Variants in C19orf38 observed in about 807,000 individuals in gnomAD.
C19orf38 encodes chromosome 19 open reading frame 38.
Under a neutral mutation model 26.6 loss-of-function variants are expected in C19orf38, and 14 were observed. The ratio of observed to expected loss-of-function variants is 0.53; its 90% CI spans 0.35 to 0.82. The LOEUF (loss-of-function observed/expected upper bound fraction) is 0.82. C19orf38 is among the 40% of genes least tolerant of loss of function. The pLI is 0.01. For missense variants in C19orf38, 261 were observed against 299.5 expected, an observed-to-expected ratio of 0.87 and a Z score of 0.95; for synonymous variants, 132 against 128.5, an observed-to-expected ratio of 1.03 and a Z score of -0.18.
At chr19:10,850,141 C>T in intron 1 of C19orf38, 118 bp from the exon 2 acceptor site, 1 of 977,618 alleles carries the variant, frequency 1.0e-6, no homozygotes, top group Non-Finnish European at 1.5e-6. Context: ...GGTCACTAGC[C>T]TCCTGACTCA....
At chr19:10,852,674 C>G in intron 2 of C19orf38, among the ~76,000 whole-genome samples, 1 of 152,098 alleles carries the variant, frequency 6.6e-6, no homozygotes, top group East Asian at 1.9e-4. Flanking sequence ...GTCTGAGGAG[C>G]CCAGTATGGC....
intron 1 of C19orf38, among the ~76,000 whole-genome samples, chr19:10,839,356 T>C (rs2146235349): frequency 6.6e-6 from 1 of 152,342 alleles, no homozygotes; most frequent in Admixed American, 6.5e-5. Flanking sequence ...TCCTTATCTA[T>C]GTTTGCAGCT....
chr19:10,859,310 GTA>G (rs1457887311), intron 4 of C19orf38, among the ~76,000 whole-genome samples: 40 of 131,550 alleles, frequency 3.0e-4, no homozygotes, highest in Admixed American at 4.8e-4. Flanking sequence ...GTGTGTGTAT[GTA>G]TGTGTGTGTG....
chr19:10,844,099 G>A (rs1345539974), upstream of C19orf38, among the ~76,000 whole-genome samples: 2 of 151,026 alleles, frequency 1.3e-5, no homozygotes, highest in Non-Finnish European at 2.9e-5. Flanking sequence ...GGGCGACAAA[G>A]TGAGACCATG....
intron 2 of C19orf38, among the ~76,000 whole-genome samples, chr19:10,855,030 C>CTTTTTT (rs33999724): frequency 2.3e-4 from 18 of 77,758 alleles, no homozygotes; most frequent in East Asian, 3.7e-4. Context: ...GATATATATT[C>CTTTTTT]TTTTTTTTTT....
chr19:10,857,335 C>CATATATATAT (rs1165296899), intron 3 of C19orf38, among the ~76,000 whole-genome samples: 1 of 68,934 alleles, frequency 1.5e-5, no homozygotes, highest in African/African-American at 7.3e-5. Context: ...CACACACACA[C>CATATATATAT]ATACATATAT....
chr19:10,837,795 C>T (rs1032439688), intron 1 of C19orf38, among the ~76,000 whole-genome samples: 5 of 151,916 alleles, frequency 3.3e-5, no homozygotes, highest in African/African-American at 9.7e-5. Context: ...GCGTGAGCCA[C>T]TGCACCCGGC....
At chr19:10,842,196 T>C (rs2073483099) in intron 1 of C19orf38, 2 of 1,529,626 alleles carry the variant, frequency 1.3e-6, no homozygotes. Flanking sequence ...GGTTCTGAAA[T>C]GGTATGAAAA....
chr19:10,850,168 G>A (rs2073554698), intron 1 of C19orf38, 91 bp from the exon 2 acceptor site: 2 of 1,262,690 alleles, frequency 1.6e-6, no homozygotes, highest in African/African-American at 1.5e-5. Context: ...ACACAAGGCT[G>A]AGGGAGGGTG....
At chr19:10,860,661 G>GGGCTA (rs2073688828) in intron 5 of C19orf38, among the ~76,000 whole-genome samples, 1 of 148,682 alleles carries the variant, frequency 6.7e-6, no homozygotes, top group Non-Finnish European at 1.5e-5. Context: ...CTAAAACAGT[G>GGGCTA]AAACCCCATC....
intron 6 of C19orf38, among the ~76,000 whole-genome samples, chr19:10,866,583 T>A (rs996084066): frequency 6.6e-6 from 1 of 151,854 alleles, no homozygotes; most frequent in African/African-American, 2.4e-5. Context: ...GCACCCAGGT[T>A]CAAGCAATTC....
intron 2 of C19orf38, among the ~76,000 whole-genome samples, chr19:10,851,508 T>C (rs1190295545): frequency 1.3e-5 from 2 of 152,046 alleles, no homozygotes; most frequent in African/African-American, 2.4e-5. Context: ...GCCCAGCTAA[T>C]TTAAAAAATT....
intron 6 of C19orf38, among the ~76,000 whole-genome samples, chr19:10,867,055 G>A (rs2073758561): frequency 6.6e-6 from 1 of 151,770 alleles, no homozygotes; most frequent in African/African-American, 2.4e-5. Flanking sequence ...CTCCCAAAGT[G>A]CTGGGGTTAC....
chr19:10,860,113 C>G, intron 5 of C19orf38, 155 bp downstream of exon 5: 11 of 750,298 alleles, frequency 1.5e-5, no homozygotes, highest in Non-Finnish European at 2.4e-5. Flanking sequence ...GGGTTCTCAC[C>G]TTCTCTCCTT....
rs953156656 is a variant in C19orf38, at chr19:10,867,641, CTTTTTTTTTTTT to C, written c.544-1559_544-1548del. ...TCAGAAAAAAAAAAGGAAGAACATT[CTTTTTTTTTTTT>C]TTTTTTTTTTTTTTTTTGAGACAGT... On this transcript the variant is annotated intron_variant, in intron 6 of 6. Coordinates refer to ENST00000397820, the MANE Select transcript of C19orf38 (RefSeq NM_001136482.3). Among the ~76,000 whole-genome samples the C allele has an allele frequency of 2.6e-3, 153 of 58,826 alleles. 6 individuals carry two copies. The South Asian group carries it at 0.092, about 35-fold the overall frequency. The allele number at this position is 58,826 out of a possible 152,430, so 38.6% of individuals were successfully genotyped here. A position where few individuals can be genotyped will look rare whatever the true frequency, so the allele number is the denominator to read the frequency against.
chr19:10,867,221 G>A (rs1027751771), intron 6 of C19orf38, among the ~76,000 whole-genome samples: 1 of 150,674 alleles, frequency 6.6e-6, no homozygotes, highest in African/African-American at 2.4e-5. Flanking sequence ...ATGGATATGA[G>A]ATCACATGAT....
intron 3 of C19orf38, among the ~76,000 whole-genome samples, chr19:10,857,788 G>A (rs1256099200): frequency 1.3e-5 from 2 of 151,632 alleles, no homozygotes; most frequent in Non-Finnish European, 2.9e-5. Flanking sequence ...GGGTGAGGCA[G>A]AAGAATCGCT....
chr19:10,846,147 A>G (rs528832220), upstream of C19orf38, among the ~76,000 whole-genome samples: 36 of 151,576 alleles, frequency 2.4e-4, no homozygotes, highest in Non-Finnish European at 4.4e-4. Context: ...ATGCTGCTTC[A>G]CTGTAGCCTG....
chr19:10,847,394 A>G (rs1048173681), upstream of C19orf38, among the ~76,000 whole-genome samples: 12 of 114,442 alleles, frequency 1.0e-4, no homozygotes, highest in African/African-American at 4.1e-4. Context: ...TTTTTTTGAG[A>G]TGGAATTTCA....
Sources: allele counts gnomAD v4.1 joint callset (sites outside exome capture counted in the v4.1 genomes callset), GRCh38; gene constraint gnomAD v4.1.1; transcripts MANE v1.5; gene names NCBI Gene and HGNC (gene_info 2026-07-23, HGNC 2026-07-21).